The following ZP2 variants were observed in gnomAD, a reference collection of about 807,000 sequenced individuals.
ZP2 encodes zona pellucida glycoprotein 2.
ZP2 carries 51 observed loss-of-function variants against 84.0 expected under a neutral mutation model. The ratio of observed to expected loss-of-function variants is 0.61; its 90% CI spans 0.49 to 0.77. ZP2 has a LOEUF of 0.77. ZP2 is among the 30% of genes least tolerant of loss of function. The pLI is 0.00. For missense variants in ZP2, 909 were observed against 911.9 expected (o/e 1.00, Z 0.04); for synonymous variants, 375 against 330.9 (o/e 1.13, Z -1.45).
upstream of ZP2, among the ~76,000 whole-genome samples, chr16:21,214,034 C>G (rs753315391): frequency 6.6e-6 from 1 of 151,864 alleles, no homozygotes; most frequent in Non-Finnish European, 1.5e-5. Flanking sequence ...TCACTCCCCT[C>G]GAGATGGTGT....
rs1056016882 is a variant in ZP2 at position 21,197,682 on chromosome 16, T to C, written c.2096-60A>G. On this transcript the variant is annotated intron_variant, in intron 18 of 18. Transcript: ENST00000574091. ...TTTTAAATAAGGGTAAGTGGAAGCC[T>C]TACATAAGGCTCCCCAGAGAAGGGG... The C allele has an allele frequency of 8.1e-6, 13 of 1,612,860 alleles. No individual in the cohort carries two copies. In the African/African-American group the frequency reaches 1.7e-4, roughly 22 times the overall value.
intron 9 of ZP2, among the ~76,000 whole-genome samples, chr16:21,203,520 C>T (rs2093235807): frequency 6.6e-6 from 1 of 152,092 alleles, no homozygotes; most frequent in South Asian, 2.1e-4. Context: ...GATCAAATTC[C>T]AAAGAATAGT....
At chr16:21,198,255 C>T (rs952958000) in intron 17 of ZP2, among the ~76,000 whole-genome samples, 1 of 151,898 alleles carries the variant, frequency 6.6e-6, no homozygotes, top group African/African-American at 2.4e-5. Context: ...ATTAGCTGGG[C>T]ACAGTGGCAG....
In ZP2 at chr16:21,201,506, G is replaced by A; in HGVS notation, c.1557C>T (p.Phe519=). 3 of 1,613,626 alleles carry A rather than the reference G, an allele frequency of 1.9e-6. No individual in the cohort carries two copies. The highest frequency in any genetic ancestry group is 1.1e-5 in the South Asian group (1 of 90,918). The part of the protein sequence containing the change: ...YGENEYPLVR[F]LRQPIYMEVR... ...CTTCCATGTAAATTGGTTGGCGGAG[G>A]AATCTCACTAGAGGGTACTCGTTTT... The change falls in exon 14 of 19, where the codon TTC becomes TTT. Residue 519 remains phenylalanine, a synonymous_variant. Coordinates refer to ENST00000574091, the MANE Select transcript of ZP2 (RefSeq NM_001376232.1).
In ZP2 at chr16:21,204,299, G is replaced by A. The variant is rs201004665; in HGVS notation, c.790+9C>T. 564 of 1,613,820 alleles carry A rather than the reference G, an allele frequency of 3.5e-4. 1 individual carries two copies. The highest frequency in any genetic ancestry group is 4.5e-4 in the Non-Finnish European group (535 of 1,179,814). ...CCCACACTGAGGTTGCAGCTATCTG[G>A]GACCTTACCTGGTGCACAAATAGCT... On this transcript the variant is annotated intron_variant, in intron 8 of 18. Coordinates refer to ENST00000574091, the MANE Select transcript of ZP2 (RefSeq NM_001376232.1).
At chr16:21,198,091 G>T in intron 17 of ZP2, 5 of 360,296 alleles carry the variant, frequency 1.4e-5, no homozygotes, top group East Asian at 1.1e-4. Flanking sequence ...AATTCAAGAG[G>T]ATTTTTTTTT....
chr16:21,198,091 G>C, intron 17 of ZP2: 1 of 360,306 alleles, frequency 2.8e-6, no homozygotes. Flanking sequence ...AATTCAAGAG[G>C]ATTTTTTTTT....
intron 9 of ZP2, chr16:21,203,731 A>G (rs2093236666): frequency 1.3e-5 from 6 of 465,352 alleles, no homozygotes; most frequent in South Asian, 8.9e-5. Context: ...CAGATTCATC[A>G]TTAGGTATTT....
Position 21,197,823 on chromosome 16 carries a change from T to G in ZP2, c.2038A>C (p.Ser680Arg). 6.2e-7 allele frequency: 1 copy of G among 1,614,182 alleles called. No individual in the cohort carries two copies. Residue 680 changes from serine to arginine, a missense_variant, in exon 18 of 19, where the codon AGT (serine) becomes CGT (arginine). Physicochemically the swap from Ser to Arg is moderately radical, Grantham distance 110. Transcript: ENST00000574091. ...CTACTCTTCTCCCCACTGCTCCCAC[T>G]TGCTTTTAGATCAGATGAGCCGACA... ...RGVGSSDLKASGSSGEKSRSE... is the reference protein window; with the variant it reads ...RGVGSSDLKARGSSGEKSRSE...
At position 21,202,034 on chromosome 16, in the gene ZP2, A is replaced by G; in HGVS notation, c.1288-11T>C. ...TTTATCATCTTCGAACTTAAATGTC[A>G]GAGAAAGTGGGTTAGCAGCCAGTTA... On this transcript the variant is annotated splice_polypyrimidine_tract_variant and intron_variant, in intron 11 of 18. Transcript: ENST00000574091. 1 of 1,613,944 alleles carries G rather than the reference A, an allele frequency of 6.2e-7. No individual in the cohort carries two copies. Among genetic ancestry groups the G allele is most frequent in the Non-Finnish European group, 8.5e-7 (1 of 1,179,816 alleles).
chr16:21,210,861 C>T (rs13337812), intron 2 of ZP2, among the ~76,000 whole-genome samples: 38,742 of 151,076 alleles, frequency 0.26, 5,225 homozygotes, highest in South Asian at 0.38. Context: ...AGGCGTGAGC[C>T]CCGGCGCCTG....
chr16:21,200,473 C>T (rs901468050), intron 14 of ZP2, among the ~76,000 whole-genome samples: 2 of 152,122 alleles, frequency 1.3e-5, no homozygotes, highest in Non-Finnish European at 2.9e-5. Flanking sequence ...ACTGAGCTAC[C>T]ACAGCTTCAA....
At position 21,206,893 on chromosome 16, in the gene ZP2, A is replaced by T. The variant is rs756313670; in HGVS notation, c.428T>A (p.Val143Glu). The T allele has an allele frequency of 6.2e-7, 1 of 1,614,150 alleles. No homozygotes were observed. Among genetic ancestry groups the T allele is most frequent in the Non-Finnish European group, 8.5e-7 (1 of 1,180,026 alleles). The change falls in exon 5 of 19, where the codon GTA (valine) becomes GAA (glutamate). Residue 143 changes from valine (V) to glutamate (E), a missense_variant. Physicochemically the swap from Val to Glu is moderately radical, Grantham distance 121. Transcript: ENST00000574091. ...TGCTGAAAGCCCCTGGGTCTCTTCT[A>T]CTTGCATAGCTGGACAGAAGAACTG... The part of the protein sequence containing the change: ...MYQFFCPAMQ[V>E]EETQGLSAST...
In ZP2 at chr16:21,197,535, GCCA is replaced by G; in HGVS notation, c.2180_2182del (p.Val727del). On this transcript the variant is annotated inframe_deletion, in exon 19 of 19. Coordinates refer to ENST00000574091, the MANE Select transcript of ZP2 (RefSeq NM_001376232.1). Reference sequence around the variant, plus strand: ...CAGGTAGTAGATGAAGCCTAGAGTTGCCACCACACCTGCAAAGGCAGCCACAGC... The same window carrying G: ...CAGGTAGTAGATGAAGCCTAGAGTTGCCACACCTGCAAAGGCAGCCACAGC... 6.2e-7 allele frequency: 1 copy of G among 1,614,146 alleles called. No homozygotes were observed. The highest frequency in any genetic ancestry group is 8.5e-7 in the Non-Finnish European group (1 of 1,180,028).
intron 2 of ZP2, among the ~76,000 whole-genome samples, chr16:21,211,105 G>A (rs1223680322): frequency 1.3e-5 from 2 of 152,136 alleles, no homozygotes; most frequent in Non-Finnish European, 2.9e-5. Context: ...GGATTGGAAG[G>A]CAGTGCAAGT....
rs1204184582 is a variant in ZP2 at position 21,198,815 on chromosome 16, G to A, written c.1975C>T (p.Pro659Ser). 1 of 1,614,064 alleles carries A rather than the reference G, an allele frequency of 6.2e-7. No homozygotes were observed. The highest frequency in any genetic ancestry group is 1.3e-5 in the African/African-American group (1 of 75,038). ...AEKMTVSLPG[P>S]ILLLSDDSSF... ...GAGTCATCTGACAACAGGAGAATGG[G>A]TCCTGGGAGGCTGACTGTCATTTTC... The change falls in exon 17 of 19, where the codon CCC becomes TCC. Residue 659 changes from proline to serine, a missense_variant. Transcript: ENST00000574091.
upstream of ZP2, among the ~76,000 whole-genome samples, chr16:21,213,516 A>G (rs1389002440): frequency 6.6e-6 from 1 of 152,220 alleles, no homozygotes; most frequent in East Asian, 1.9e-4. Context: ...TCTCATTAAT[A>G]TCACAGATTC....
At chr16:21,201,123 C>T (rs1222470564) in intron 14 of ZP2, among the ~76,000 whole-genome samples, 2 of 151,654 alleles carry the variant, frequency 1.3e-5, no homozygotes, top group African/African-American at 4.8e-5. Context: ...TGCTTGAACC[C>T]AGGAGGCAGG....
At chr16:21,210,544 A>G (rs2093269973) in intron 2 of ZP2, among the ~76,000 whole-genome samples, 1 of 152,050 alleles carries the variant, frequency 6.6e-6, no homozygotes, top group African/African-American at 2.4e-5. Flanking sequence ...TTGATGTTAA[A>G]CAAAGTCCTG....
Sources: allele counts gnomAD v4.1 joint callset (sites outside exome capture counted in the v4.1 genomes callset), GRCh38; gene constraint gnomAD v4.1.1; transcripts MANE v1.5; gene names NCBI Gene and HGNC (gene_info 2026-07-23, HGNC 2026-07-21).